The following SRGAP1 variants were observed in gnomAD, a reference collection of about 807,000 sequenced individuals.
The protein encoded by SRGAP1 is SLIT-ROBO Rho GTPase activating protein 1, also known as SLIT-ROBO Rho GTPase-activating protein 1.
A neutral mutation model predicts 121.9 loss-of-function variants in SRGAP1; 43 were observed. The observed-to-expected ratio is 0.35, with a 90% CI of 0.28 to 0.46. SRGAP1 has a LOEUF of 0.46. Among genes scored for constraint, SRGAP1 ranks in the 20% least tolerant of loss-of-function variants. The pLI, the probability that SRGAP1 is intolerant of heterozygous loss-of-function variation, is 1.00. For missense variants in SRGAP1, 1,102 were observed against 1,350.9 expected, an observed-to-expected ratio of 0.82 and a Z score of 2.89; for synonymous variants, 447 against 485.4, an observed-to-expected ratio of 0.92 and a Z score of 1.04.
chr12:64,117,695 C>T (rs2036544631), intron 18 of SRGAP1, among the ~76,000 whole-genome samples: 1 of 152,108 alleles, frequency 6.6e-6, no homozygotes, highest in African/African-American at 2.4e-5. Context: ...TACAGCAGAT[C>T]TCTAGAGCTT....
chr12:64,091,318 C>T lies in SRGAP1; in HGVS notation c.1479C>T (p.Ser493=), dbSNP rs780224586. 6.2e-7 allele frequency: 1 copy of T among 1,610,618 alleles called. No homozygotes were observed. The highest frequency in any genetic ancestry group is 8.5e-7 in the Non-Finnish European group (1 of 1,177,964). The change falls in exon 12 of 22, where the codon TCC becomes TCT. Residue 493 remains serine, a synonymous_variant. Transcript: ENST00000355086. ...VPPKPQKHRK[S]RPRSQYNTKL... ...CTAAGCCCCAGAAACACAGGAAGTC[C>T]AGGCCCCGCTCACAGTATAATACTA...
At chr12:63,989,851 C>T in intron 2 of SRGAP1, 59 bp from the exon 3 acceptor site, 2 of 1,405,318 alleles carry the variant, frequency 1.4e-6, no homozygotes, top group East Asian at 2.3e-5. Context: ...GGTGACTTCA[C>T]TCATCTGATT....
chr12:63,861,639 CTG>C (rs1899456215), intron 1 of SRGAP1, among the ~76,000 whole-genome samples: 1 of 152,016 alleles, frequency 6.6e-6, no homozygotes, highest in African/African-American at 2.4e-5. Context: ...TCTTTCAGCT[CTG>C]TGTATTTTCT....
intron 1 of SRGAP1, among the ~76,000 whole-genome samples, chr12:63,870,337 A>G (rs1899806546): frequency 6.6e-6 from 1 of 152,178 alleles, no homozygotes; most frequent in Non-Finnish European, 1.5e-5. Context: ...ATAAATTTAA[A>G]AAGAAAGTAA....
intron 6 of SRGAP1, among the ~76,000 whole-genome samples, chr12:64,046,905 A>AC (rs1424737129): frequency 1.3e-5 from 2 of 151,928 alleles, no homozygotes; most frequent in Non-Finnish European, 2.9e-5. Flanking sequence ...TGTTTTCTCC[A>AC]TTTTATAGAC....
intron 8 of SRGAP1, among the ~76,000 whole-genome samples, chr12:64,068,284 AAAAAAAAAAAAAG>A (rs1460224552): frequency 1.8e-5 from 2 of 111,940 alleles, no homozygotes; most frequent in South Asian, 4.5e-4. Flanking sequence ...AAAAAAAAAA[AAAAAAAAAAAAAG>A]TAGTAGGCAC....
intron 1 of SRGAP1, among the ~76,000 whole-genome samples, chr12:63,900,857 A>G (rs141253018): frequency 2.4e-4 from 37 of 152,306 alleles, no homozygotes; most frequent in Non-Finnish European, 5.9e-5. Context: ...GTTTTGTACT[A>G]TCAAACCTAA....
chr12:63,854,452 G>A (rs1216483383), intron 1 of SRGAP1, among the ~76,000 whole-genome samples: 1 of 152,006 alleles, frequency 6.6e-6, no homozygotes, highest in Non-Finnish European at 1.5e-5. Context: ...AGGACATCTG[G>A]GATTTTCTTG....
chr12:63,868,435 G>A (rs1162548117), intron 1 of SRGAP1, among the ~76,000 whole-genome samples: 1 of 152,056 alleles, frequency 6.6e-6, no homozygotes, highest in African/African-American at 2.4e-5. Flanking sequence ...GAGTGCAGTG[G>A]CATAATCTCA....
chr12:64,026,889 A>G (rs1336093474), intron 4 of SRGAP1, among the ~76,000 whole-genome samples: 1 of 152,084 alleles, frequency 6.6e-6, no homozygotes, highest in Non-Finnish European at 1.5e-5. Flanking sequence ...GAAATGTTCA[A>G]ATTAATCTCC....
intron 1 of SRGAP1, among the ~76,000 whole-genome samples, chr12:63,938,741 G>GTT (rs75409568): frequency 1.1e-4 from 16 of 143,562 alleles, no homozygotes; most frequent in Non-Finnish European, 1.8e-4. Flanking sequence ...ATGTTTTTAG[G>GTT]TTTTTTTTTT....
At chr12:64,086,475 C>A in intron 10 of SRGAP1, among the ~76,000 whole-genome samples, 1 of 152,066 alleles carries the variant, frequency 6.6e-6, no homozygotes, top group Non-Finnish European at 1.5e-5. Context: ...CTTTAATATT[C>A]GCAAATGTCA....
intron 1 of SRGAP1, among the ~76,000 whole-genome samples, chr12:63,943,864 G>T (rs2031950683): frequency 6.6e-6 from 1 of 152,130 alleles, no homozygotes; most frequent in Admixed American, 6.5e-5. Flanking sequence ...GAAAGCCTAT[G>T]AAAGGTATGA....
intron 1 of SRGAP1, among the ~76,000 whole-genome samples, chr12:63,886,336 A>G (rs1900381159): frequency 6.7e-6 from 1 of 149,282 alleles, no homozygotes. Flanking sequence ...TACTGGGATT[A>G]GAGGCATGAG....
chr12:64,107,887 G>C (rs1203311936), intron 15 of SRGAP1, among the ~76,000 whole-genome samples: 1 of 152,116 alleles, frequency 6.6e-6, no homozygotes, highest in East Asian at 1.9e-4. Context: ...TTTACAAAGT[G>C]GTAGTCTTGG....
chr12:64,112,162 A>G (rs1197770041), intron 17 of SRGAP1, among the ~76,000 whole-genome samples, 176 bp downstream of exon 17: 2 of 152,240 alleles, frequency 1.3e-5, no homozygotes, highest in Non-Finnish European at 2.9e-5. Flanking sequence ...ACTCATATTC[A>G]TCCCTCTCTT....
At chr12:63,992,880 A>C (rs1382937668) in intron 3 of SRGAP1, among the ~76,000 whole-genome samples, 1 of 152,148 alleles carries the variant, frequency 6.6e-6, no homozygotes, top group African/African-American at 2.4e-5. Flanking sequence ...AGTAGGGGGA[A>C]TGCTCTATGC....
intron 2 of SRGAP1, among the ~76,000 whole-genome samples, chr12:63,986,862 G>A (rs2033433011): frequency 6.6e-6 from 1 of 152,088 alleles, no homozygotes; most frequent in South Asian, 2.1e-4. Flanking sequence ...TGGTTTATTT[G>A]GTAGTTTTCT....
intron 1 of SRGAP1, among the ~76,000 whole-genome samples, chr12:63,945,098 A>G (rs1230171967): frequency 6.6e-6 from 1 of 152,148 alleles, no homozygotes; most frequent in South Asian, 2.1e-4. Flanking sequence ...AGCTCTTCCT[A>G]TCATTTTGAC....
Sources: allele counts gnomAD v4.1 joint callset (sites outside exome capture counted in the v4.1 genomes callset), GRCh38; gene constraint gnomAD v4.1.1; transcripts MANE v1.5; gene names NCBI Gene and HGNC (gene_info 2026-07-23, HGNC 2026-07-21).